Variants in BCAS3 observed in about 807,000 individuals in gnomAD.
BCAS3 encodes BCAS4/BCAS3 fusion.
In BCAS3, 53 loss-of-function variants were observed where a neutral mutation model predicts 116.1. The ratio of observed to expected loss-of-function variants is 0.46; its 90% CI spans 0.37 to 0.57. BCAS3 has a LOEUF of 0.57. Ranked by LOEUF, BCAS3 falls within the 20% of genes least tolerant of loss-of-function variation. BCAS3 has a pLI of 0.00. For missense variants in BCAS3, 917 were observed against 1,165.4 expected, an observed-to-expected ratio of 0.79 and a Z score of 3.10; for synonymous variants, 391 against 408.2, an observed-to-expected ratio of 0.96 and a Z score of 0.51.
intron 22 of BCAS3, among the ~76,000 whole-genome samples, chr17:61,338,708 G>A (rs2056907429): frequency 6.6e-6 from 1 of 152,024 alleles, no homozygotes; most frequent in Non-Finnish European, 1.5e-5. Context: ...TGTTGGATCT[G>A]GCAGTGCAGG....
At chr17:60,811,075 C>G (rs549562211) in intron 7 of BCAS3, 1 of 633,370 alleles carries the variant, frequency 1.6e-6, no homozygotes, top group African/African-American at 1.8e-5. Flanking sequence ...ACGTACAGTC[C>G]AGTTCTTGGA....
rs1026139299 is a variant in BCAS3 at position 61,131,519 on chromosome 17, A to G, written c.2425+46955A>G. Among the ~76,000 whole-genome samples the G allele has an allele frequency of 1.3e-5, 2 of 152,228 alleles. No individual in the cohort carries two copies. Among genetic ancestry groups the G allele is most frequent in the African/African-American group, 4.8e-5 (2 of 41,458 alleles). On this transcript the variant is annotated intron_variant, in intron 22 of 23. Coordinates refer to ENST00000407086, the MANE Select transcript of BCAS3 (RefSeq NM_017679.5). This position sits in a 1 kb window ranked among gnomAD's most constrained non-coding sequence, Gnocchi z 4.4. Reference sequence around the variant, plus strand: ...AAATTATATTCCAAACTCATAATTAAGTATGAACAATTTGCATTTGAGATT... The same window carrying G: ...AAATTATATTCCAAACTCATAATTAGGTATGAACAATTTGCATTTGAGATT...
At chr17:61,382,244 GT>G (rs1402837855) in intron 23 of BCAS3, among the ~76,000 whole-genome samples, 1 of 148,958 alleles carries the variant, frequency 6.7e-6, no homozygotes, top group Non-Finnish European at 1.5e-5. Flanking sequence ...AGGAGAATCA[GT>G]TTTTGTTTTT....
chr17:61,027,400 G>T (rs1402132466), intron 16 of BCAS3: 1 of 447,032 alleles, frequency 2.2e-6, no homozygotes. Context: ...GGTATTTAAG[G>T]AGCTACATAA....
chr17:61,018,424 C>T (rs1239126459), intron 16 of BCAS3, among the ~76,000 whole-genome samples: 1 of 151,082 alleles, frequency 6.6e-6, no homozygotes, highest in African/African-American at 2.4e-5. Context: ...GCTTCAGCCT[C>T]CCTAGTAGCT....
intron 19 of BCAS3, among the ~76,000 whole-genome samples, chr17:61,062,210 C>T (rs1278562255): frequency 1.3e-5 from 2 of 151,918 alleles, no homozygotes; most frequent in South Asian, 2.1e-4. Flanking sequence ...ATGATATACA[C>T]GGTTTAAAAG....
intron 10 of BCAS3, among the ~76,000 whole-genome samples, chr17:60,890,032 A>G (rs554708976): frequency 2.7e-4 from 41 of 152,386 alleles, no homozygotes; most frequent in African/African-American, 9.6e-4. Context: ...ACTTCATTCT[A>G]TTAATTTGCA....
At chr17:60,908,472 C>T (rs1375962818) in intron 11 of BCAS3, among the ~76,000 whole-genome samples, 1 of 152,144 alleles carries the variant, frequency 6.6e-6, no homozygotes, top group African/African-American at 2.4e-5. Flanking sequence ...GGGAGCATCT[C>T]CATTAGCATT....
chr17:61,209,658 G>A (rs1008081351), intron 22 of BCAS3, among the ~76,000 whole-genome samples: 2 of 152,208 alleles, frequency 1.3e-5, no homozygotes, highest in Non-Finnish European at 2.9e-5. Flanking sequence ...ATGAGGGGGT[G>A]TCTTTGTCCA....
chr17:60,832,295 C>A (rs1265348766), intron 7 of BCAS3, among the ~76,000 whole-genome samples: 1 of 152,134 alleles, frequency 6.6e-6, no homozygotes, highest in Admixed American at 6.6e-5. Flanking sequence ...GAACTTTTTA[C>A]CCTAATTACC....
chr17:60,687,683 A>T (rs1051596188), intron 3 of BCAS3, among the ~76,000 whole-genome samples: 6 of 152,118 alleles, frequency 3.9e-5, no homozygotes, highest in Non-Finnish European at 8.8e-5. Flanking sequence ...GCAATAGGTG[A>T]GTCTGTGTCT....
intron 7 of BCAS3, among the ~76,000 whole-genome samples, chr17:60,858,792 G>A (rs1259800907): frequency 2.0e-5 from 3 of 152,100 alleles, no homozygotes; most frequent in Non-Finnish European, 4.4e-5. Flanking sequence ...TCTATTGGGT[G>A]TAGTGGTATC....
At position 61,327,375 on chromosome 17, in the gene BCAS3, G is replaced by A. The variant is rs562326944; in HGVS notation, c.2426-40952G>A. 6.6e-6 allele frequency among the ~76,000 whole-genome samples: 1 copy of A among 152,140 alleles called. No individual in the cohort carries two copies. Among genetic ancestry groups the A allele is most frequent in the Non-Finnish European group, 1.5e-5 (1 of 68,036 alleles). On this transcript the variant is annotated intron_variant, in intron 22 of 23. Coordinates refer to ENST00000407086, the MANE Select transcript of BCAS3 (RefSeq NM_017679.5). This position sits in a 1 kb window ranked among gnomAD's most constrained non-coding sequence, Gnocchi z 5.9. ...ATTTTAGAGGCAATTGGACTACAGA[G>A]TCAAGGAGACATTTACAAGTTAATA...
chr17:60,775,677 T>C (rs1287377426), intron 6 of BCAS3, among the ~76,000 whole-genome samples: 1 of 152,118 alleles, frequency 6.6e-6, no homozygotes, highest in Non-Finnish European at 1.5e-5. Flanking sequence ...CCAGACACAC[T>C]AATAAAAACC....
chr17:60,814,704 T>G (rs2049205707), intron 7 of BCAS3, among the ~76,000 whole-genome samples: 1 of 152,212 alleles, frequency 6.6e-6, no homozygotes, highest in African/African-American at 2.4e-5. Flanking sequence ...TTACTTAGAA[T>G]TTTTCAGTGT....
intron 16 of BCAS3, 110 bp downstream of exon 16, chr17:61,016,011 G>T: frequency 1.7e-6 from 2 of 1,173,248 alleles, no homozygotes; most frequent in South Asian, 3.0e-5. Context: ...TTCATTTCCA[G>T]CTCAAATAAG....
chr17:61,286,086 C>T lies in BCAS3; in HGVS notation c.2426-82241C>T, dbSNP rs1488636676. ...GAAACAACTGGTGGGAAGTTTTTTC[C>T]AGAGAGTTCCCAGTGTGTGAGTGTG... On this transcript the variant is annotated intron_variant, in intron 22 of 23. Transcript: ENST00000407086. This position sits in a 1 kb window ranked among gnomAD's most constrained non-coding sequence, Gnocchi z 4.8. 6.6e-6 allele frequency among the ~76,000 whole-genome samples: 1 copy of T among 152,120 alleles called. No homozygotes were observed. Among genetic ancestry groups the T allele is most frequent in the Non-Finnish European group, 1.5e-5 (1 of 68,028 alleles).
chr17:60,800,544 C>T (rs533092325), intron 6 of BCAS3, among the ~76,000 whole-genome samples: 1 of 152,138 alleles, frequency 6.6e-6, no homozygotes, highest in South Asian at 2.1e-4. Context: ...GTAGCTTGTG[C>T]TTTCATTCTT....
At chr17:60,903,870 TACA>T (rs750998512) in intron 11 of BCAS3, among the ~76,000 whole-genome samples, 55 of 152,312 alleles carry the variant, frequency 3.6e-4, no homozygotes, top group African/African-American at 1.3e-3. Flanking sequence ...ATCCACAAAA[TACA>T]ACGAGATCTT....
Sources: gnomAD v4.1 joint callset for allele counts (sites outside exome capture counted in the v4.1 genomes callset) on GRCh38, gnomAD v4.1.1 for gene constraint, Gnocchi (gnomAD v3.1) non-coding constraint, MANE v1.5 for transcripts, NCBI Gene and HGNC (gene_info 2026-07-23, HGNC 2026-07-21) for gene names.